Variants in TXNL4B observed in about 807,000 individuals in gnomAD.
The protein encoded by TXNL4B is thioredoxin-like protein 4B.
TXNL4B carries 12 observed loss-of-function variants against 13.0 expected under a neutral mutation model. The observed-to-expected ratio is 0.92, with a 90% confidence interval of 0.59 to 1.49. The LOEUF (loss-of-function observed/expected upper bound fraction) is 1.49. Among genes scored for constraint, TXNL4B ranks in the 40% most tolerant of loss-of-function variants. The pLI, the probability that TXNL4B is intolerant of heterozygous loss-of-function variation, is 0.00. For missense variants in TXNL4B, 214 were observed against 173.6 expected (o/e 1.23, Z -1.31); for synonymous variants, 59 against 58.9 (o/e 1.00, Z -0.01).
chr16:72,091,445 C>A (rs1312892863), intron 1 of TXNL4B, among the ~76,000 whole-genome samples: 1 of 152,170 alleles, frequency 6.6e-6, no homozygotes, highest in East Asian at 1.9e-4. Flanking sequence ...CCTGTTGAGG[C>A]AGGCAAACCT....
chr16:72,090,176 C>T (rs919600997), intron 2 of TXNL4B: 15 of 456,244 alleles, frequency 3.3e-5, no homozygotes, highest in Non-Finnish European at 5.7e-5. Flanking sequence ...GGAGGCAGCA[C>T]ACTAGAAAAG....
intron 3 of TXNL4B, 71 bp downstream of exon 3, chr16:72,088,916 G>C (rs910074970): frequency 4.8e-6 from 6 of 1,242,182 alleles, no homozygotes; most frequent in African/African-American, 4.4e-5. Context: ...CATGGAAATA[G>C]GCAAGCTACT....
In TXNL4B at chr16:72,089,090, C is replaced by G. The variant is rs1228156212; in HGVS notation, c.181G>C (p.Val61Leu). ...TAAACTGCAGTTTGGTCCACATCTA[C>G]CAGGTATATAGCAGCCATTTTACTT... is the stretch of plus-strand genomic sequence containing the variant. The part of the protein sequence containing the change: ...DLSKMAAIYL[V>L]DVDQTAVYTQ... The change falls in exon 3 of 4, where the codon GTA becomes CTA. Residue 61 changes from valine to leucine, a missense_variant. Val to Leu is a conservative substitution (Grantham distance 32). Transcript: ENST00000268483. The G allele has an allele frequency of 6.2e-7, 1 of 1,612,362 alleles. No individual in the cohort carries two copies. Among genetic ancestry groups the G allele is most frequent in the African/African-American group, 1.3e-5 (1 of 74,878 alleles).
In TXNL4B at chr16:72,085,064, T is replaced by A. The variant is rs2041803680; in HGVS notation, c.*1573A>T. Reference sequence around the variant, plus strand: ...TAAACCAGAGACAGGAAGTGTACGATGGAAGAGGCCAGAGGTGATGGCCTC... The same window carrying A: ...TAAACCAGAGACAGGAAGTGTACGAAGGAAGAGGCCAGAGGTGATGGCCTC... On this transcript the variant is annotated 3_prime_UTR_variant, in exon 4 of 4. Transcript: ENST00000268483. The A allele has an allele frequency of 2.5e-6, 1 of 398,500 alleles. No homozygotes were observed. Among genetic ancestry groups the A allele is most frequent in the Admixed American group, 4.4e-5 (1 of 22,718 alleles). 24.7% of individuals were successfully genotyped at this position (398,500 alleles called of 1,614,324 possible).
At chr16:72,088,857 C>A in intron 3 of TXNL4B, 130 bp downstream of exon 3, 1 of 582,454 alleles carries the variant, frequency 1.7e-6, no homozygotes, top group Non-Finnish European at 2.9e-6. Context: ...TTAGAGAGTG[C>A]GTCAATTGGG....
rs1410135580 is a variant in TXNL4B at position 72,089,101 on chromosome 16, G to C, written c.170C>G (p.Ala57Gly). 6.2e-7 allele frequency: 1 copy of C among 1,612,678 alleles called. No individual in the cohort carries two copies. The highest frequency in any genetic ancestry group is 8.5e-7 in the Non-Finnish European group (1 of 1,178,940). Residue 57 changes from alanine to glycine, a missense_variant, in exon 3 of 4, where the codon GCT becomes GGT. Physicochemically the swap from Ala to Gly is moderately conservative, Grantham distance 60. Transcript: ENST00000268483. ...KTSSDLSKMA[A>G]IYLVDVDQTA... ...TTGGTCCACATCTACCAGGTATATA[G>C]CAGCCATTTTACTTAAGTCAGAAGA...
chr16:72,090,496 GAACT>G (rs778230491), intron 2 of TXNL4B, 118 bp downstream of exon 2: 32 of 964,940 alleles, frequency 3.3e-5, no homozygotes, highest in Non-Finnish European at 2.1e-5. Context: ...AGCTCTTAGT[GAACT>G]AACAAATGAA....
intron 1 of TXNL4B, 84 bp from the exon 2 acceptor site, chr16:72,090,870 A>G (rs1309217838): frequency 1.8e-6 from 2 of 1,095,042 alleles, no homozygotes; most frequent in South Asian, 3.0e-5. Flanking sequence ...CAGAGTAGCT[A>G]ATGTATTCAC....
intron 2 of TXNL4B, among the ~76,000 whole-genome samples, chr16:72,089,523 C>G (rs972916949): frequency 6.6e-6 from 1 of 152,138 alleles, no homozygotes; most frequent in Admixed American, 6.5e-5. Flanking sequence ...CTGCTGCCAT[C>G]CCGTGTTAAG....
intron 1 of TXNL4B, among the ~76,000 whole-genome samples, chr16:72,091,879 C>T (rs2041910571): frequency 1.3e-5 from 2 of 152,220 alleles, no homozygotes. Context: ...GTTGCACTTT[C>T]TACTACAATG....
intron 1 of TXNL4B, among the ~76,000 whole-genome samples, chr16:72,091,308 G>A (rs867456738): frequency 5.6e-5 from 8 of 143,896 alleles, no homozygotes; most frequent in Admixed American, 1.3e-4. Flanking sequence ...GGCAGAAAGA[G>A]GTGAGTGGAG....
At chr16:72,086,936 A>C in intron 3 of TXNL4B, 134 bp from the exon 4 acceptor site, 2 of 694,880 alleles carry the variant, frequency 2.9e-6, no homozygotes, top group East Asian at 5.7e-5. Context: ...AATAAAGCCC[A>C]ACATTAATTT....
chr16:72,090,846 A>G, intron 1 of TXNL4B, 60 bp from the exon 2 acceptor site: 1 of 1,410,832 alleles, frequency 7.1e-7, no homozygotes, highest in Non-Finnish European at 9.8e-7. Context: ...CCCTCATTAA[A>G]AAAAATTAAT....
chr16:72,094,059 T>G (rs2041967369), upstream of TXNL4B: 1 of 151,564 alleles, frequency 6.6e-6, no homozygotes, highest in Non-Finnish European at 1.5e-5. Flanking sequence ...GAGGTGAGAG[T>G]CCCTTCTTCC....
chr16:72,093,650 T>G (rs927661749), upstream of TXNL4B: 3 of 152,246 alleles, frequency 2.0e-5, no homozygotes, highest in African/African-American at 7.2e-5. Context: ...CCCACCTTGC[T>G]CGGCTCTGAC....
intron 1 of TXNL4B, among the ~76,000 whole-genome samples, chr16:72,091,149 G>A (rs546977263): frequency 2.0e-5 from 3 of 152,230 alleles, no homozygotes; most frequent in African/African-American, 4.8e-5. Context: ...CTCAACTTTG[G>A]TAATTTGAAG....
At chr16:72,092,617 T>A (rs2144113663) in intron 1 of TXNL4B, among the ~76,000 whole-genome samples, 1 of 152,108 alleles carries the variant, frequency 6.6e-6, no homozygotes, top group African/African-American at 2.4e-5. Context: ...AAACAGCAGT[T>A]CCTCCGTGTT....
At position 72,084,885 on chromosome 16, in the gene TXNL4B, C is replaced by T; in HGVS notation, c.*1752G>A. The T allele has an allele frequency of 2.5e-6, 1 of 398,624 alleles. No homozygotes were observed. 24.7% of individuals were successfully genotyped at this position (398,624 alleles called of 1,614,324 possible). On this transcript the variant is annotated 3_prime_UTR_variant, in exon 4 of 4. Transcript: ENST00000268483. ...GGCAAAAAGAAATTTTATTCTTTCA[C>T]AGAAGTCTGAGGCAGGCAGGTCCAG...
At chr16:72,088,894 G>A in intron 3 of TXNL4B, 93 bp downstream of exon 3, 2 of 973,696 alleles carry the variant, frequency 2.1e-6, no homozygotes, top group Non-Finnish European at 3.1e-6. Context: ...AAGACTCACA[G>A]AGCCAACATC....
Sources: gnomAD v4.1 joint callset for allele counts (sites outside exome capture counted in the v4.1 genomes callset) on GRCh38, gnomAD v4.1.1 for gene constraint, MANE v1.5 for transcripts, NCBI Gene and HGNC (gene_info 2026-07-23, HGNC 2026-07-21) for gene names.